The following PTPRK variants were observed in gnomAD, a reference collection of about 807,000 sequenced individuals.
PTPRK encodes the protein protein tyrosine phosphatase receptor type K.
PTPRK carries 75 observed loss-of-function variants against 178.0 expected under a neutral mutation model. The ratio of observed to expected loss-of-function variants is 0.42; its 90% CI spans 0.35 to 0.51. The LOEUF (loss-of-function observed/expected upper bound fraction) is 0.51. Ranked by LOEUF, PTPRK falls within the 20% of genes least tolerant of loss-of-function variation. The pLI is 0.02. For synonymous variants in PTPRK, 637 were observed against 620.6 expected (o/e 1.03, Z -0.39); for missense variants, 1,441 against 1,797.8 (o/e 0.80, Z 3.59).
At chr6:128,347,689 T>C (rs1279279198) in intron 2 of PTPRK, among the ~76,000 whole-genome samples, 2 of 152,072 alleles carry the variant, frequency 1.3e-5, no homozygotes, top group Non-Finnish European at 2.9e-5. Context: ...CTTACTGTTT[T>C]TCCTCGTGTA....
intron 1 of PTPRK, among the ~76,000 whole-genome samples, chr6:128,492,971 T>G (rs1854047197): frequency 6.6e-6 from 1 of 152,102 alleles, no homozygotes; most frequent in South Asian, 2.1e-4. Flanking sequence ...TACCCCAAAT[T>G]TTCCCCCAAT....
intron 1 of PTPRK, among the ~76,000 whole-genome samples, chr6:128,444,650 A>C (rs1469406183): frequency 2.0e-5 from 3 of 152,186 alleles, no homozygotes; most frequent in African/African-American, 7.2e-5. Context: ...GTAATGAATG[A>C]GTTTATAGAT....
intron 2 of PTPRK, among the ~76,000 whole-genome samples, chr6:128,396,192 G>A (rs1840275325): frequency 1.3e-5 from 2 of 151,120 alleles, no homozygotes; most frequent in Admixed American, 1.3e-4. Flanking sequence ...TCACACTCAA[G>A]AAGGACTTAC....
chr6:128,100,796 C>T (rs1002835158), intron 7 of PTPRK, among the ~76,000 whole-genome samples: 9 of 151,868 alleles, frequency 5.9e-5, no homozygotes, highest in Admixed American at 1.3e-4. Flanking sequence ...TGAACTGGCT[C>T]GAGCCAGTCT....
intron 27 of PTPRK, among the ~76,000 whole-genome samples, chr6:127,975,482 G>A (rs568723373): frequency 1.4e-4 from 22 of 152,140 alleles, no homozygotes; most frequent in African/African-American, 4.8e-4. Context: ...AGACACACAC[G>A]TAGTCATTTT....
rs561439302 is a variant in PTPRK, at chr6:128,336,251, T to C, written c.224-13941A>G. Among the ~76,000 whole-genome samples the C allele has an allele frequency of 1.2e-4, 18 of 152,284 alleles. No homozygotes were observed. In the East Asian group the frequency reaches 2.7e-3, roughly 23 times the overall value. ...CCCTGAGAGCAACTGAGAATTGTAC[T>C]TTAATGTTTTCATAAATGCTAACTT... is the stretch of plus-strand genomic sequence containing the variant. On this transcript the variant is annotated intron_variant, in intron 2 of 29. Coordinates refer to ENST00000368226, the MANE Select transcript of PTPRK (RefSeq NM_002844.4).
intron 3 of PTPRK, among the ~76,000 whole-genome samples, chr6:128,311,337 G>A (rs552996035): frequency 2.0e-5 from 3 of 152,114 alleles, no homozygotes; most frequent in Non-Finnish European, 4.4e-5. Context: ...TCAGTCATAA[G>A]ATTGACTTGT....
chr6:128,198,430 C>T (rs1375431704), intron 6 of PTPRK, among the ~76,000 whole-genome samples: 1 of 151,932 alleles, frequency 6.6e-6, no homozygotes, highest in East Asian at 1.9e-4. Flanking sequence ...AACGAGAACA[C>T]ATGGACACAG....
chr6:128,192,907 AGAG>A (rs1395888790), intron 6 of PTPRK, among the ~76,000 whole-genome samples: 1 of 146,652 alleles, frequency 6.8e-6, no homozygotes, highest in Non-Finnish European at 1.5e-5. Context: ...GAAGGGAGGA[AGAG>A]AAGAAGGGAG....
intron 5 of PTPRK, among the ~76,000 whole-genome samples, chr6:128,230,278 C>T (rs569176100): frequency 6.6e-5 from 10 of 151,992 alleles, no homozygotes; most frequent in African/African-American, 1.7e-4. Flanking sequence ...AGATAAATTG[C>T]GAGGAAAGGA....
chr6:128,226,761 C>CATATATATATATATATATAT (rs71028117), intron 5 of PTPRK, among the ~76,000 whole-genome samples: 6 of 109,540 alleles, frequency 5.5e-5, no homozygotes, highest in Non-Finnish European at 9.2e-5. Flanking sequence ...ATTATATAGA[C>CATATATATATATATATATAT]ATATATATAT....
intron 12 of PTPRK, among the ~76,000 whole-genome samples, chr6:128,066,238 T>A (rs893355817): frequency 2.0e-5 from 3 of 152,282 alleles, no homozygotes; most frequent in Middle Eastern, 3.4e-3. Flanking sequence ...TGGTATGGAA[T>A]GATATGTAGG....
intron 3 of PTPRK, among the ~76,000 whole-genome samples, chr6:128,275,904 A>G (rs901793302): frequency 1.3e-5 from 2 of 151,960 alleles, no homozygotes; most frequent in Non-Finnish European, 2.9e-5. Flanking sequence ...CACATGATAT[A>G]TTTTTTGCCT....
At chr6:128,345,427 T>C (rs1314938721) in intron 2 of PTPRK, among the ~76,000 whole-genome samples, 1 of 152,202 alleles carries the variant, frequency 6.6e-6, no homozygotes, top group Non-Finnish European at 1.5e-5. Flanking sequence ...ATTCTGAGTA[T>C]GTTCACGATC....
chr6:128,334,945 A>C (rs1830722793), intron 2 of PTPRK, among the ~76,000 whole-genome samples: 1 of 151,944 alleles, frequency 6.6e-6, no homozygotes, highest in African/African-American at 2.4e-5. Flanking sequence ...AAAATTAGCC[A>C]GGCGTGGTGG....
chr6:128,034,158 T>C (rs1330273026), intron 13 of PTPRK, among the ~76,000 whole-genome samples: 3 of 152,208 alleles, frequency 2.0e-5, no homozygotes, highest in Non-Finnish European at 4.4e-5. Flanking sequence ...ATGTTTTTTA[T>C]ACAAAGGGCA....
chr6:128,023,913 G>A (rs1353636480), intron 13 of PTPRK, among the ~76,000 whole-genome samples: 3 of 151,122 alleles, frequency 2.0e-5, no homozygotes, highest in Non-Finnish European at 2.9e-5. Flanking sequence ...CAAGCAATCT[G>A]CCTGCCTTGG....
chr6:128,135,163 C>A (rs1338497529), intron 7 of PTPRK, among the ~76,000 whole-genome samples: 3 of 151,746 alleles, frequency 2.0e-5, no homozygotes, highest in Non-Finnish European at 4.4e-5. Context: ...TAATATATCA[C>A]CACATTTTGT....
chr6:128,290,768 T>G (rs769546999), intron 3 of PTPRK, among the ~76,000 whole-genome samples: 11 of 152,098 alleles, frequency 7.2e-5, no homozygotes, highest in Non-Finnish European at 1.6e-4. Flanking sequence ...ATCTGAAGAT[T>G]GATTTTAAAA....
Sources: gnomAD v4.1 joint callset for allele counts (sites outside exome capture counted in the v4.1 genomes callset) on GRCh38, gnomAD v4.1.1 for gene constraint, MANE v1.5 for transcripts, NCBI Gene and HGNC (gene_info 2026-07-23, HGNC 2026-07-21) for gene names.